The following PDE4D variants were observed in gnomAD, a reference collection of about 807,000 sequenced individuals.
PDE4D encodes phosphodiesterase 4D.
A neutral mutation model predicts 87.4 loss-of-function variants in PDE4D; 24 were observed. That is an observed-to-expected ratio of 0.27 (90% CI 0.20 to 0.39). PDE4D has a LOEUF of 0.39. Among genes scored for constraint, PDE4D ranks in the 10% least tolerant of loss-of-function variants. The pLI, the probability that PDE4D is intolerant of heterozygous loss-of-function variation, is 1.00. For synonymous variants in PDE4D, 384 were observed against 383.2 expected (o/e 1.00, Z -0.02); for missense variants, 714 against 1,041.0 (o/e 0.69, Z 4.32).
intron 5 of PDE4D, among the ~76,000 whole-genome samples, chr5:59,124,901 G>A (rs558151419): frequency 6.6e-6 from 1 of 152,056 alleles, no homozygotes; most frequent in East Asian, 1.9e-4. Context: ...AGTAATTATG[G>A]CAAATGTTAA....
chr5:59,927,597 A>T (rs148017076), intron 3 of PDE4D, among the ~76,000 whole-genome samples: 15 of 152,302 alleles, frequency 9.8e-5, no homozygotes, highest in African/African-American at 3.6e-4. Context: ...TCCTTCACAG[A>T]CAGCTTGACT....
chr5:59,645,972 G>A (rs999873230), intron 1 of PDE4D, among the ~76,000 whole-genome samples: 1 of 152,100 alleles, frequency 6.6e-6, no homozygotes, highest in Non-Finnish European at 1.5e-5. Flanking sequence ...AAACATAATA[G>A]AATCATGTAA....
intron 2 of PDE4D, among the ~76,000 whole-genome samples, chr5:60,096,613 T>C (rs1775706680): frequency 6.6e-6 from 1 of 152,116 alleles, no homozygotes; most frequent in Non-Finnish European, 1.5e-5. Flanking sequence ...CCTCATGTCA[T>C]ATGTTCATTT....
intron 1 of PDE4D, among the ~76,000 whole-genome samples, chr5:59,689,525 T>A (rs1380798588): frequency 1.3e-5 from 2 of 152,132 alleles, no homozygotes; most frequent in South Asian, 2.1e-4. Context: ...CAACAACCCT[T>A]CATGCTAAAA....
At position 59,606,483 on chromosome 5, in the gene PDE4D, G is replaced by T. The variant is rs1256689354; in HGVS notation, c.455+286685C>A. Among the ~76,000 whole-genome samples, 8 of 152,020 alleles carry T rather than the reference G, an allele frequency of 5.3e-5. No individual in the cohort carries two copies. The East Asian group carries it at 1.5e-3, about 29-fold the overall frequency. On this transcript the variant is annotated intron_variant, in intron 1 of 14. Coordinates refer to ENST00000340635, the MANE Select transcript of PDE4D (RefSeq NM_001104631.2). ...TACTAATATTCCCCAGTTTATAGAT[G>T]ATGAATCTGAGGAACCTGGAGAGGT...
chr5:60,136,315 CTTT>C (rs33928836), intron 2 of PDE4D, among the ~76,000 whole-genome samples: 2 of 148,730 alleles, frequency 1.3e-5, no homozygotes, highest in Non-Finnish European at 3.0e-5. Flanking sequence ...TCTGGACTAT[CTTT>C]TTTTTTTTTA....
chr5:60,132,760 G>A (rs1215704798), intron 2 of PDE4D, among the ~76,000 whole-genome samples: 1 of 152,088 alleles, frequency 6.6e-6, no homozygotes, highest in East Asian at 1.9e-4. Flanking sequence ...GGGAGGCTGA[G>A]GCAGGAGAAT....
chr5:59,422,023 A>G (rs1384179786), intron 1 of PDE4D, among the ~76,000 whole-genome samples: 1 of 152,210 alleles, frequency 6.6e-6, no homozygotes, highest in Non-Finnish European at 1.5e-5. Flanking sequence ...AAATACATAA[A>G]TATGTAATTG....
chr5:59,681,181 A>T (rs1171778341), intron 1 of PDE4D, among the ~76,000 whole-genome samples: 1 of 152,208 alleles, frequency 6.6e-6, no homozygotes, highest in East Asian at 1.9e-4. Flanking sequence ...AAAGTAAAAA[A>T]GTACTCAAAG....
chr5:59,587,111 C>G (rs1178926760), intron 1 of PDE4D: 3 of 536,144 alleles, frequency 5.6e-6, no homozygotes, highest in Non-Finnish European at 7.2e-6. Flanking sequence ...AAGATGCTGT[C>G]ACGATGAAAT....
At chr5:59,591,336 T>G (rs1432239502) in intron 1 of PDE4D, among the ~76,000 whole-genome samples, 2 of 152,152 alleles carry the variant, frequency 1.3e-5, no homozygotes, top group African/African-American at 4.8e-5. Flanking sequence ...TATGCTAGTA[T>G]AAGCATAGTA....
At chr5:59,352,111 A>G (rs998438258) in intron 1 of PDE4D, among the ~76,000 whole-genome samples, 1 of 152,136 alleles carries the variant, frequency 6.6e-6, no homozygotes, top group African/African-American at 2.4e-5. Flanking sequence ...TTGGAGGATG[A>G]CATGCATGAG....
At chr5:59,217,172 T>C (rs1421545379) in intron 1 of PDE4D, 1 of 455,554 alleles carries the variant, frequency 2.2e-6, no homozygotes, top group Non-Finnish European at 4.4e-6. Context: ...TCAACCAGTA[T>C]TAAAATAAAG....
chr5:59,185,304 C>G, intron 3 of PDE4D, 42 bp from the exon 4 acceptor site: 1 of 1,405,590 alleles, frequency 7.1e-7, no homozygotes, highest in South Asian at 1.2e-5. Context: ...GAGCTAAGGC[C>G]ATTTTAAATA....
intron 1 of PDE4D, among the ~76,000 whole-genome samples, chr5:59,234,421 C>T (rs1193888987): frequency 1.3e-5 from 2 of 152,070 alleles, no homozygotes; most frequent in East Asian, 3.9e-4. Context: ...ACAGTGTAAA[C>T]AAGGCCATCT....
At chr5:59,736,566 G>A (rs1580771216) in intron 1 of PDE4D, among the ~76,000 whole-genome samples, 1 of 151,704 alleles carries the variant, frequency 6.6e-6, no homozygotes, top group South Asian at 2.1e-4. Flanking sequence ...GTAATCCTAG[G>A]TACTCGGAAG....
chr5:59,707,314 T>G (rs1472553060), intron 1 of PDE4D, among the ~76,000 whole-genome samples: 1 of 151,046 alleles, frequency 6.6e-6, no homozygotes, highest in African/African-American at 2.5e-5. Flanking sequence ...GAATTACTGT[T>G]TTTCTTGGCA....
chr5:60,403,104 G>T (rs1741229076), intron 1 of PDE4D, among the ~76,000 whole-genome samples: 2 of 152,188 alleles, frequency 1.3e-5, no homozygotes, highest in South Asian at 4.1e-4. Context: ...AGCACAGCCA[G>T]GTCTGGAGGC....
chr5:59,417,684 C>T (rs951231465), intron 1 of PDE4D, among the ~76,000 whole-genome samples: 32 of 152,102 alleles, frequency 2.1e-4, no homozygotes, highest in African/African-American at 7.0e-4. Flanking sequence ...TCTCTGTTCT[C>T]CTCTACAATT....
Sources: allele counts gnomAD v4.1 joint callset (sites outside exome capture counted in the v4.1 genomes callset), GRCh38; gene constraint gnomAD v4.1.1; transcripts MANE v1.5; gene names NCBI Gene and HGNC (gene_info 2026-07-23, HGNC 2026-07-21).